EXO1: variants seen among roughly 807,000 people sequenced by gnomAD.
EXO1 encodes the protein exonuclease 1.
In EXO1, 69 loss-of-function variants were observed where a neutral mutation model predicts 84.5. The ratio of observed to expected loss-of-function variants is 0.82; its 90% CI spans 0.67 to 1.00. The LOEUF (loss-of-function observed/expected upper bound fraction) is 1.00, where lower values mean the gene tolerates loss of function less well. Among genes scored for constraint, EXO1 ranks in the 50% least tolerant of loss-of-function variants. The pLI is 0.00. For synonymous variants in EXO1, 373 were observed against 366.1 expected (o/e 1.02, Z -0.21); for missense variants, 1,045 against 1,000.7 (o/e 1.04, Z -0.60).
intron 12 of EXO1, among the ~76,000 whole-genome samples, chr1:241,874,422 T>C (rs1662279689): frequency 6.6e-6 from 1 of 151,876 alleles, no homozygotes; most frequent in African/African-American, 2.4e-5. Flanking sequence ...AAAAGAAACT[T>C]TGAGAGGGTT....
At chr1:241,881,321 C>T (rs116712580) in intron 13 of EXO1, among the ~76,000 whole-genome samples, 8,106 of 152,206 alleles carry the variant, frequency 0.053, 316 homozygotes, top group Non-Finnish European at 0.077. Flanking sequence ...CATGAGCCAC[C>T]GCCCCTGGCC....
chr1:241,855,997 G>A (rs557720184), intron 6 of EXO1, among the ~76,000 whole-genome samples: 10 of 152,332 alleles, frequency 6.6e-5, no homozygotes, highest in African/African-American at 2.4e-4. Flanking sequence ...AGTGGGCTCC[G>A]GCCTTGGCCA....
chr1:241,871,095 G>T (rs972961497), intron 11 of EXO1, among the ~76,000 whole-genome samples: 1 of 152,152 alleles, frequency 6.6e-6, no homozygotes, highest in African/African-American at 2.4e-5. Context: ...AAAAAAATGA[G>T]GTTAATCTGG....
chr1:241,853,579 G>A (rs1432994946), intron 6 of EXO1, 98 bp downstream of exon 6: 3 of 1,333,882 alleles, frequency 2.2e-6, no homozygotes, highest in Non-Finnish European at 3.2e-6. Flanking sequence ...ATTGTTCTAG[G>A]CCTAACCTCA....
rs372531016 is a variant in EXO1 at position 241,853,503 on chromosome 1, G to A, written c.405+22G>A. 5 of 1,613,600 alleles carry A rather than the reference G, an allele frequency of 3.1e-6. No individual in the cohort carries two copies. The South Asian group carries it at 5.5e-5, about 18-fold the overall frequency. Reference sequence around the variant, plus strand: ...TAAAGTAAGACAAAGGGGCAGATGGGCAAGTTCACCAAAGCTAGTTACAAC... The same window carrying A: ...TAAAGTAAGACAAAGGGGCAGATGGACAAGTTCACCAAAGCTAGTTACAAC... On this transcript the variant is annotated intron_variant, in intron 6 of 15. Transcript: ENST00000366548.
intron 12 of EXO1, among the ~76,000 whole-genome samples, chr1:241,873,762 G>A (rs1324231618): frequency 2.0e-5 from 3 of 152,144 alleles, no homozygotes; most frequent in Admixed American, 6.5e-5. Context: ...TTTTGAGGGC[G>A]TTCAAGGGGC....
Position 241,852,278 on chromosome 1 carries a change from CT to C in EXO1, c.162-7del, listed in dbSNP as rs749019914. On this transcript the variant is annotated splice_polypyrimidine_tract_variant and intron_variant, in intron 4 of 15. Transcript: ENST00000366548. ...GAAAGGTGAAGCACTGAATGTTTTT[CT>C]TTTTTTCCATAGGTATGTAGGATTT... The C allele has an allele frequency of 6.3e-7, 1 of 1,598,124 alleles. No homozygotes were observed. The highest frequency in any genetic ancestry group is 8.6e-7 in the Non-Finnish European group (1 of 1,168,294).
chr1:241,852,241 G>T (rs373547361), intron 4 of EXO1, 51 bp from the exon 5 acceptor site: 1 of 1,535,538 alleles, frequency 6.5e-7, no homozygotes, highest in Non-Finnish European at 8.9e-7. Context: ...TAGAGCAGAA[G>T]TATTACCTTA....
At position 241,865,666 on chromosome 1, in the gene EXO1, C is replaced by A. The variant is rs539494069; in HGVS notation, c.1042-1164C>A. ...CTCAAATTCCTGTCAGAATTTTGTC[C>A]TTCTCATAGAGAAATTTCTATAGGA... On this transcript the variant is annotated intron_variant, in intron 10 of 15. Coordinates refer to ENST00000366548, the MANE Select transcript of EXO1 (RefSeq NM_130398.4). 4.6e-4 allele frequency among the ~76,000 whole-genome samples: 70 copies of A among 152,106 alleles called. 1 individual carries two copies. Among genetic ancestry groups the A allele is most frequent in the African/African-American group, 1.7e-3 (70 of 41,486 alleles).
intron 15 of EXO1, among the ~76,000 whole-genome samples, chr1:241,888,881 C>T (rs1475064369): frequency 1.3e-5 from 2 of 152,072 alleles, no homozygotes; most frequent in Non-Finnish European, 2.9e-5. Context: ...TTGAGACCAG[C>T]CTGGCCAGCA....
rs761116678 is a variant in EXO1, at chr1:241,861,514, A to G, written c.1041+12A>G. 2 of 1,369,226 alleles carry G rather than the reference A, an allele frequency of 1.5e-6. No individual in the cohort carries two copies. Among genetic ancestry groups the G allele is most frequent in the East Asian group, 4.6e-5 (2 of 43,688 alleles). 84.8% of individuals were successfully genotyped at this position (1,369,226 alleles called of 1,614,324 possible). ...CAGACACTGCTATGGTAACGTTTTG[A>G]TGACCACCCTATGAAAACACGTTTT... On this transcript the variant is annotated intron_variant, in intron 10 of 15. Transcript: ENST00000366548.
rs1461104969 is a variant in EXO1, at chr1:241,889,506, C to G, written c.2447C>G (p.Pro816Arg). The G allele has an allele frequency of 1.2e-6, 2 of 1,613,296 alleles. No homozygotes were observed. The highest frequency in any genetic ancestry group is 1.7e-6 in the Non-Finnish European group (2 of 1,179,348). ...CCTCCTTGTAAGAAACCCCTGTCCC[C>G]AGTCAGAGATAACATCCAACTAACT... ...KLPPCKKPLS[P>R]VRDNIQLTPE... The change falls in exon 16 of 16, where the codon CCA (proline) becomes CGA (arginine). Residue 816 changes from proline (P) to arginine (R), a missense_variant. Transcript: ENST00000366548.
chr1:241,871,381 T>A (rs1662082420), intron 11 of EXO1, among the ~76,000 whole-genome samples: 1 of 152,246 alleles, frequency 6.6e-6, no homozygotes, highest in Non-Finnish European at 1.5e-5. Context: ...GACTCAGAAT[T>A]AGTCAAAGTA....
At chr1:241,862,774 C>T (rs905726748) in intron 10 of EXO1, among the ~76,000 whole-genome samples, 2 of 152,218 alleles carry the variant, frequency 1.3e-5, no homozygotes, top group African/African-American at 2.4e-5. Context: ...GCTTCCATTT[C>T]GTTGCTACAT....
chr1:241,862,675 G>A (rs886354252), intron 10 of EXO1, among the ~76,000 whole-genome samples: 3 of 152,172 alleles, frequency 2.0e-5, no homozygotes, highest in African/African-American at 7.2e-5. Flanking sequence ...ACTGCTGTAT[G>A]ATATTTACTA....
intron 6 of EXO1, 106 bp from the exon 7 acceptor site, chr1:241,857,239 T>C: frequency 1.9e-6 from 2 of 1,044,482 alleles, no homozygotes; most frequent in African/African-American, 1.6e-5. Context: ...CAAAGTAATA[T>C]TAGCATGTGC....
rs943010761 is a variant in EXO1 at position 241,848,206 on chromosome 1, C to T, written c.-567C>T. On this transcript the variant is annotated 5_prime_UTR_variant, in exon 1 of 16. Transcript: ENST00000366548. The surrounding 1 kb of genome is among the most constrained non-coding windows in gnomAD (Gnocchi z 4.2). Reference sequence around the variant, plus strand: ...GAACCCGCGCAAATTGAAAGGTCAGCCTTTCGCGCGCTGTGTAGGCAAGTT... The same window carrying T: ...GAACCCGCGCAAATTGAAAGGTCAGTCTTTCGCGCGCTGTGTAGGCAAGTT... The T allele has an allele frequency of 2.6e-5, 4 of 152,336 alleles. No individual in the cohort carries two copies. The highest frequency in any genetic ancestry group is 5.9e-5 in the Non-Finnish European group (4 of 68,102). The allele number at this position is 152,336 out of a possible 1,614,324, so 9.4% of individuals were successfully genotyped here.
chr1:241,850,248 C>T (rs1660583797), intron 3 of EXO1, among the ~76,000 whole-genome samples, 161 bp from the exon 4 acceptor site: 3 of 151,500 alleles, frequency 2.0e-5, no homozygotes, highest in Non-Finnish European at 4.4e-5. Flanking sequence ...CCACTGCAGT[C>T]CCTCCTGGGC....
rs774136473 is a variant in EXO1, at chr1:241,858,710, A to G, written c.748A>G (p.Ile250Val). ...CCTAAGACTAGCCAATAATCCAGAT[A>G]TAGTAAAGGTAAGAGTGATTTGCTA... Reference protein sequence around the residue: ...KVLRLANNPDIVKVIKKIGHY... With the variant: ...KVLRLANNPDVVKVIKKIGHY... The change falls in exon 8 of 16, where the codon ATA becomes GTA. Residue 250 changes from isoleucine to valine, a missense_variant. Ile to Val is a conservative substitution (Grantham distance 29, BLOSUM62 3). Coordinates refer to ENST00000366548, the MANE Select transcript of EXO1 (RefSeq NM_130398.4). The G allele has an allele frequency of 6.2e-7, 1 of 1,607,032 alleles. No individual in the cohort carries two copies. Among genetic ancestry groups the G allele is most frequent in the Admixed American group, 1.7e-5 (1 of 60,018 alleles).
Sources: gnomAD v4.1 joint callset for allele counts (sites outside exome capture counted in the v4.1 genomes callset) on GRCh38, gnomAD v4.1.1 for gene constraint, Gnocchi (gnomAD v3.1) non-coding constraint, MANE v1.5 for transcripts, NCBI Gene and HGNC (gene_info 2026-07-23, HGNC 2026-07-21) for gene names.